The following KIF16B variants were observed in gnomAD, a reference collection of about 807,000 sequenced individuals.
The protein encoded by KIF16B is kinesin-like protein KIF16B.
Under a neutral mutation model 156.3 loss-of-function variants are expected in KIF16B, and 98 were observed. The ratio of observed to expected loss-of-function variants is 0.63; its 90% confidence interval spans 0.53 to 0.74. The LOEUF (loss-of-function observed/expected upper bound fraction) is 0.74, where lower values mean the gene tolerates loss of function less well. Among genes scored for constraint, KIF16B ranks in the 30% least tolerant of loss-of-function variants. The pLI is 0.00. For missense variants in KIF16B, 1,421 were observed against 1,606.5 expected, an observed-to-expected ratio of 0.88 and a Z score of 1.97; for synonymous variants, 564 against 583.7, an observed-to-expected ratio of 0.97 and a Z score of 0.49.
intron 4 of KIF16B, 27 bp from the exon 5 acceptor site, chr20:16,512,950 C>A (rs762938808): frequency 2.8e-5 from 42 of 1,502,468 alleles, no homozygotes; most frequent in Non-Finnish European, 3.1e-5. Context: ...AATGTCACAG[C>A]TGTCACTCAA....
Position 16,438,486 on chromosome 20 carries a change from GTATA to G in KIF16B, c.1303-8508_1303-8505del, listed in dbSNP as rs2066708065. Reference sequence around the variant, plus strand: ...GTATATACATATAGGGAAAAACAGTGTATATAGGGTTCATATTGTTTGCAATTTC... The same window carrying G: ...GTATATACATATAGGGAAAAACAGTGTAGGGTTCATATTGTTTGCAATTTC... On this transcript the variant is annotated intron_variant, in intron 12 of 25. Coordinates refer to ENST00000354981, the MANE Select transcript of KIF16B (RefSeq NM_024704.5). 2.0e-5 allele frequency among the ~76,000 whole-genome samples: 3 copies of G among 152,268 alleles called. No homozygotes were observed. The South Asian group carries it at 6.2e-4, about 32-fold the overall frequency.
At chr20:16,521,101 C>G (rs545634369) in intron 3 of KIF16B, among the ~76,000 whole-genome samples, 2 of 152,100 alleles carry the variant, frequency 1.3e-5, no homozygotes, top group East Asian at 3.9e-4. Context: ...AAAACCAGAA[C>G]GACTCCTCTC....
In KIF16B at chr20:16,557,034, T is replaced by C. The variant is rs35887865; in HGVS notation, c.47+16195A>G. 8.4e-3 allele frequency among the ~76,000 whole-genome samples: 1,282 copies of C among 151,766 alleles called. 11 individuals carry two copies. The highest frequency in any genetic ancestry group is 0.018 in the Middle Eastern group (5 of 284). ...GAGCTGTGCTGTAAGTACAAAATCA[T>C]GCCAGATTTTAAAGATGTATTTACC... On this transcript the variant is annotated intron_variant, in intron 1 of 25. Coordinates refer to ENST00000354981, the MANE Select transcript of KIF16B (RefSeq NM_024704.5).
rs975212896 is a variant in KIF16B at position 16,573,386 on chromosome 20, C to A, written c.-111G>T. 5 of 1,184,170 alleles carry A rather than the reference C, an allele frequency of 4.2e-6. No individual in the cohort carries two copies. In the Admixed American group the frequency reaches 1.1e-4, roughly 25 times the overall value. The allele number at this position is 1,184,170 out of a possible 1,614,324, so 73.4% of individuals were successfully genotyped here. A position where few individuals can be genotyped will look rare whatever the true frequency, so the allele number is the denominator to read the frequency against. ...CCCGCCCACTTCCCTCTCGCCCCCG[C>A]CCCTCTGCTCCCGGCCGGACCTGGA... On this transcript the variant is annotated 5_prime_UTR_variant, in exon 1 of 26. Coordinates refer to ENST00000354981, the MANE Select transcript of KIF16B (RefSeq NM_024704.5).
intron 1 of KIF16B, among the ~76,000 whole-genome samples, chr20:16,558,054 C>T (rs1321982372): frequency 1.3e-5 from 2 of 152,128 alleles, no homozygotes; most frequent in Non-Finnish European, 2.9e-5. Context: ...ATAGGGGGCA[C>T]TATTTTCAAT....
intron 25 of KIF16B, among the ~76,000 whole-genome samples, chr20:16,286,014 T>C (rs1387907512): frequency 6.6e-6 from 1 of 152,222 alleles, no homozygotes; most frequent in Non-Finnish European, 1.5e-5. Context: ...ACTAGCTCAT[T>C]ATTAATGAAC....
At chr20:16,440,973 G>A (rs17671977) in intron 12 of KIF16B, among the ~76,000 whole-genome samples, 19,022 of 152,164 alleles carry the variant, frequency 0.13, 1,322 homozygotes, top group Non-Finnish European at 0.17. Context: ...AAGAAATTAC[G>A]TGTGAAAATA....
At chr20:16,501,791 C>T (rs887666401) in intron 10 of KIF16B, among the ~76,000 whole-genome samples, 2 of 152,016 alleles carry the variant, frequency 1.3e-5, no homozygotes, top group Non-Finnish European at 2.9e-5. Flanking sequence ...AGAACAAAAA[C>T]AGGCAAAAAT....
At chr20:16,397,537 G>A (rs946459068) in intron 17 of KIF16B, among the ~76,000 whole-genome samples, 6 of 152,196 alleles carry the variant, frequency 3.9e-5, no homozygotes, top group Non-Finnish European at 7.3e-5. Context: ...TAGAAAATTA[G>A]TAGATGGCCT....
intron 1 of KIF16B, among the ~76,000 whole-genome samples, chr20:16,553,292 C>T (rs1214369815): frequency 6.6e-6 from 1 of 152,154 alleles, no homozygotes; most frequent in African/African-American, 2.4e-5. Flanking sequence ...GGTGTTTCTC[C>T]AGCCCTCCCA....
At chr20:16,368,900 G>T in intron 22 of KIF16B, 1 of 985,840 alleles carries the variant, frequency 1.0e-6, no homozygotes. Flanking sequence ...TGAGTCATCA[G>T]CTCACTGAAA....
At chr20:16,515,201 A>G (rs1171067010) in intron 4 of KIF16B, among the ~76,000 whole-genome samples, 1 of 152,076 alleles carries the variant, frequency 6.6e-6, no homozygotes, top group East Asian at 1.9e-4. Flanking sequence ...AATAATTTTA[A>G]AAAGAACAGA....
At chr20:16,507,074 T>C (rs2147022803) in intron 7 of KIF16B, among the ~76,000 whole-genome samples, 1 of 148,270 alleles carries the variant, frequency 6.7e-6, no homozygotes, top group East Asian at 2.0e-4. Flanking sequence ...CACTCCAGCC[T>C]GGGCAACAGA....
chr20:16,331,734 A>C (rs1392862820), intron 24 of KIF16B, among the ~76,000 whole-genome samples: 2 of 152,124 alleles, frequency 1.3e-5, no homozygotes, highest in Non-Finnish European at 2.9e-5. Context: ...AATTTTCAGG[A>C]TCCTTTTGTA....
Position 16,573,419 on chromosome 20 carries a change from G to A in KIF16B, c.-144C>T, listed in dbSNP as rs946009403. ...CTCCCGGCCGGACCTGGAGTTCCGCGGCAGCCCCACCTGCCAGGCCACTGA... is the reference window on the plus strand; with the variant it reads ...CTCCCGGCCGGACCTGGAGTTCCGCAGCAGCCCCACCTGCCAGGCCACTGA... On this transcript the variant is annotated 5_prime_UTR_variant, in exon 1 of 26. Transcript: ENST00000354981. 11 of 908,528 alleles carry A rather than the reference G, an allele frequency of 1.2e-5. No homozygotes were observed. The highest frequency in any genetic ancestry group is 1.7e-5 in the African/African-American group (1 of 59,464). 56.3% of individuals were successfully genotyped at this position (908,528 alleles called of 1,614,324 possible).
chr20:16,323,697 C>T (rs563330920), intron 24 of KIF16B, among the ~76,000 whole-genome samples: 1 of 151,832 alleles, frequency 6.6e-6, no homozygotes, highest in South Asian at 2.1e-4. Flanking sequence ...CCAGAGTCTG[C>T]AACATACTAG....
intron 12 of KIF16B, among the ~76,000 whole-genome samples, chr20:16,439,520 GT>G (rs528008151): frequency 2.4e-4 from 36 of 152,220 alleles, no homozygotes; most frequent in African/African-American, 8.2e-4. Flanking sequence ...TCCGTGTGCT[GT>G]TTAGTCTGCC....
At position 16,360,260 on chromosome 20, in the gene KIF16B, C is replaced by T. The variant is rs548268680; in HGVS notation, c.3499-3808G>A. ...TATACTGGACAGGAAGTAAAGTTAA[C>T]ATAAATGTCTCTTAAATTTATTTTT... On this transcript the variant is annotated intron_variant, in intron 22 of 25. Transcript: ENST00000354981. Among the ~76,000 whole-genome samples, 3 of 152,186 alleles carry T rather than the reference C, an allele frequency of 2.0e-5. No individual in the cohort carries two copies. In the South Asian group the frequency reaches 6.2e-4, roughly 32 times the overall value.
intron 23 of KIF16B, among the ~76,000 whole-genome samples, chr20:16,349,369 C>T (rs972618131): frequency 1.3e-5 from 2 of 152,162 alleles, no homozygotes; most frequent in Non-Finnish European, 1.5e-5. Context: ...CTGAGCATCC[C>T]TGGAGGCCAC....
Sources: gnomAD v4.1 joint callset for allele counts (sites outside exome capture counted in the v4.1 genomes callset) on GRCh38, gnomAD v4.1.1 for gene constraint, MANE v1.5 for transcripts, NCBI Gene and HGNC (gene_info 2026-07-23, HGNC 2026-07-21) for gene names.